Variants in CUX2 observed in about 807,000 individuals in gnomAD.
CUX2 encodes homeobox protein cut-like 2.
A neutral mutation model predicts 144.8 loss-of-function variants in CUX2; 40 were observed. That is an observed-to-expected ratio of 0.28 (90% CI 0.21 to 0.36). The LOEUF (loss-of-function observed/expected upper bound fraction) is 0.36. CUX2 is among the 10% of genes least tolerant of loss of function. The probability of loss-of-function intolerance (pLI) is 1.00; values close to 1 mark genes in which losing one functional copy is unlikely to be tolerated. For missense variants in CUX2, 1,615 were observed against 1,994.0 expected (o/e 0.81, Z 3.62); for synonymous variants, 827 against 875.6 (o/e 0.94, Z 0.98).
chr12:111,115,309 A>T (rs7314732), intron 1 of CUX2, among the ~76,000 whole-genome samples: 5 of 132,128 alleles, frequency 3.8e-5, no homozygotes, highest in East Asian at 2.2e-4. Context: ...TTTTTGAGAT[A>T]GAGTCTTGCT....
intron 1 of CUX2, among the ~76,000 whole-genome samples, chr12:111,062,004 C>A (rs558566077): frequency 7.9e-5 from 12 of 152,326 alleles, no homozygotes; most frequent in African/African-American, 2.9e-4. Flanking sequence ...CAGGGAGTGT[C>A]GGCAGGGTTA....
rs60539275 is a variant in CUX2, at chr12:111,035,613, C to CTTTT, written c.63+1386_63+1389dup. On this transcript the variant is annotated intron_variant, in intron 1 of 21. Coordinates refer to ENST00000261726, the MANE Select transcript of CUX2 (RefSeq NM_015267.4). This position sits in a 1 kb window ranked among gnomAD's most constrained non-coding sequence, Gnocchi z 6.0. ...CAGTCTGGAGATAAAAAGGGACCCA[C>CTTTT]TTTTTTTTTTTTTTTTAATCCGCCG... 2.7e-3 allele frequency among the ~76,000 whole-genome samples: 367 copies of CTTTT among 135,142 alleles called. 3 individuals carry two copies. The highest frequency in any genetic ancestry group is 9.9e-3 in the African/African-American group (347 of 34,972). The allele number at this position is 135,142 out of a possible 152,430, so 88.7% of individuals were successfully genotyped here.
chr12:111,221,017 C>T (rs1281912771), intron 3 of CUX2, among the ~76,000 whole-genome samples: 1 of 151,158 alleles, frequency 6.6e-6, no homozygotes, highest in Non-Finnish European at 1.5e-5. Context: ...GTCTGGCACA[C>T]CGTTGGTGCT....
intron 4 of CUX2, among the ~76,000 whole-genome samples, chr12:111,284,039 C>A (rs577736787): frequency 6.6e-6 from 1 of 152,224 alleles, no homozygotes; most frequent in Non-Finnish European, 1.5e-5. Context: ...CACCCTGCCT[C>A]CTCTCTCTCC....
chr12:111,121,369 C>CTTTTTTCTTTTTTTTTTTTT (rs1874660146), intron 1 of CUX2, among the ~76,000 whole-genome samples: 2 of 59,038 alleles, frequency 3.4e-5, no homozygotes, highest in African/African-American at 1.1e-4. Flanking sequence ...TTTCTTTTTT[C>CTTTTTTCTTTTTTTTTTTTT]TTTTTTTTTT....
At chr12:111,118,743 C>T (rs1183457946) in intron 1 of CUX2, among the ~76,000 whole-genome samples, 8 of 152,148 alleles carry the variant, frequency 5.3e-5, no homozygotes, top group African/African-American at 1.9e-4. Context: ...AGTGGTTAGA[C>T]CCTTGGCTGC....
chr12:111,161,253 C>T (rs1422158099), intron 1 of CUX2, among the ~76,000 whole-genome samples: 2 of 152,162 alleles, frequency 1.3e-5, no homozygotes, highest in African/African-American at 2.4e-5. Flanking sequence ...TAAAGGGATG[C>T]ACCCTCTGGG....
Position 111,160,556 on chromosome 12 carries a change from C to T in CUX2, c.64-53644C>T, listed in dbSNP as rs533759536. Reference sequence around the variant, plus strand: ...CCCGGCACAGAGGGGGCGCGAGATGCGAGCAGGGAGCAGGGTGGCACTTGG... The same window carrying T: ...CCCGGCACAGAGGGGGCGCGAGATGTGAGCAGGGAGCAGGGTGGCACTTGG... On this transcript the variant is annotated intron_variant, in intron 1 of 21. Coordinates refer to ENST00000261726, the MANE Select transcript of CUX2 (RefSeq NM_015267.4). The surrounding 1 kb of genome is among the most constrained non-coding windows in gnomAD (Gnocchi z 4.1). Among the ~76,000 whole-genome samples the T allele has an allele frequency of 2.0e-5, 3 of 152,252 alleles. No homozygotes were observed. The highest frequency in any genetic ancestry group is 2.1e-4 in the South Asian group (1 of 4,826).
Position 111,284,391 on chromosome 12 carries a change from C to T in CUX2, c.302-7027C>T, listed in dbSNP as rs1317864964. ...GTAAGAAGCCAGGGCCCTCATGCTC[C>T]GTCTCAAAGCAGCCTGGTCCAGGAG... On this transcript the variant is annotated intron_variant, in intron 4 of 21. Coordinates refer to ENST00000261726, the MANE Select transcript of CUX2 (RefSeq NM_015267.4). Among the ~76,000 whole-genome samples the T allele has an allele frequency of 2.6e-5, 4 of 152,110 alleles. No individual in the cohort carries two copies. The East Asian group carries it at 7.7e-4, about 29-fold the overall frequency.
intron 1 of CUX2, among the ~76,000 whole-genome samples, chr12:111,124,492 C>G (rs1874912913): frequency 6.6e-6 from 1 of 152,148 alleles, no homozygotes; most frequent in Non-Finnish European, 1.5e-5. Context: ...TGGATTGGGG[C>G]TCCTATGACC....
intron 10 of CUX2, among the ~76,000 whole-genome samples, chr12:111,306,224 G>T (rs1378494340): frequency 1.3e-5 from 2 of 152,040 alleles, no homozygotes; most frequent in African/African-American, 4.8e-5. Flanking sequence ...GGCACTCGAT[G>T]CTAATTAATT....
At chr12:111,047,227 T>C (rs746571812) in intron 1 of CUX2, among the ~76,000 whole-genome samples, 54 of 152,224 alleles carry the variant, frequency 3.5e-4, no homozygotes, top group Non-Finnish European at 6.3e-4. Context: ...TAAGCAGGTA[T>C]TGATTGCTGC....
At chr12:111,159,950 G>A (rs1001653181) in intron 1 of CUX2, among the ~76,000 whole-genome samples, 2 of 152,116 alleles carry the variant, frequency 1.3e-5, no homozygotes, top group African/African-American at 2.4e-5. Flanking sequence ...GCTTGAACCC[G>A]GGAGGCAGAG....
intron 3 of CUX2, among the ~76,000 whole-genome samples, chr12:111,224,605 CT>C (rs1294155026): frequency 6.7e-6 from 1 of 149,562 alleles, no homozygotes; most frequent in African/African-American, 2.5e-5. Context: ...CTAAACTACC[CT>C]TTTCCCTGGC....
chr12:111,322,697 C>A lies in CUX2; in HGVS notation c.2926+117C>A. 1 of 1,324,792 alleles carries A rather than the reference C, an allele frequency of 7.5e-7. No individual in the cohort carries two copies. The highest frequency in any genetic ancestry group is 1.0e-6 in the Non-Finnish European group (1 of 968,058). The allele number at this position is 1,324,792 out of a possible 1,614,324, so 82.1% of individuals were successfully genotyped here. A position where few individuals can be genotyped will look rare whatever the true frequency, so the allele number is the denominator to read the frequency against. On this transcript the variant is annotated intron_variant, in intron 18 of 21. Transcript: ENST00000261726. The surrounding 1 kb of genome is among the most constrained non-coding windows in gnomAD (Gnocchi z 4.2). The stretch of plus-strand genomic sequence containing the variant: ...TATCTCTCCCTCCCTGCTGCCCTGG[C>A]TTTCATCCCAGTCACTGTCATGGCT...
intron 9 of CUX2, among the ~76,000 whole-genome samples, chr12:111,301,641 A>G (rs1886300707): frequency 6.6e-6 from 1 of 152,088 alleles, no homozygotes; most frequent in Admixed American, 6.5e-5. Flanking sequence ...AGTAGCAAGG[A>G]CTACAGGCTC....
intron 21 of CUX2, among the ~76,000 whole-genome samples, chr12:111,347,005 C>T (rs995191323): frequency 6.6e-6 from 1 of 152,112 alleles, no homozygotes; most frequent in African/African-American, 2.4e-5. Context: ...GAGTGAGACT[C>T]TGTCTCAAAA....
intron 1 of CUX2, among the ~76,000 whole-genome samples, chr12:111,154,403 G>C (rs571391357): frequency 6.6e-6 from 1 of 152,146 alleles, no homozygotes; most frequent in East Asian, 1.9e-4. Context: ...CAGGCCACAG[G>C]GCTCCTCCCT....
intron 1 of CUX2, among the ~76,000 whole-genome samples, chr12:111,149,232 A>G (rs1280176808): frequency 6.6e-6 from 1 of 152,184 alleles, no homozygotes; most frequent in Non-Finnish European, 1.5e-5. Flanking sequence ...GCCCAACACA[A>G]GCTCGTAAAC....
Sources: allele counts gnomAD v4.1 joint callset (sites outside exome capture counted in the v4.1 genomes callset), GRCh38; gene constraint gnomAD v4.1.1; non-coding constraint Gnocchi (gnomAD v3.1); transcripts MANE v1.5; gene names NCBI Gene and HGNC (gene_info 2026-07-23, HGNC 2026-07-21).